ST3GAL5: variants seen among roughly 807,000 people sequenced by gnomAD.
ST3GAL5 encodes ST3 beta-galactoside alpha-2,3-sialyltransferase 5, also known as lactosylceramide alpha-2,3-sialyltransferase.
Under a neutral mutation model 46.1 loss-of-function variants are expected in ST3GAL5, and 25 were observed. The observed-to-expected ratio is 0.54, with a 90% confidence interval of 0.40 to 0.76. The LOEUF (loss-of-function observed/expected upper bound fraction) is 0.76. Ranked by LOEUF, ST3GAL5 falls within the 30% of genes least tolerant of loss-of-function variation. The probability of loss-of-function intolerance (pLI) is 0.00; values close to 1 mark genes in which losing one functional copy is unlikely to be tolerated. For synonymous variants in ST3GAL5, 182 were observed against 192.7 expected, an observed-to-expected ratio of 0.94 and a Z score of 0.46; for missense variants, 431 against 521.2, an observed-to-expected ratio of 0.83 and a Z score of 1.69.
rs1365222009 is a variant in ST3GAL5, at chr2:85,837,873, C to T, written c.*2271G>A. On this transcript the variant is annotated 3_prime_UTR_variant, in exon 7 of 7. Coordinates refer to ENST00000638572, the MANE Select transcript of ST3GAL5 (RefSeq NM_003896.4). ...GTGTGTGCGGGTCTAGAATGCAATA[C>T]AAAGCTGTTAGTGTGGCAGTGAATT... 1 of 152,038 alleles carries T rather than the reference C, an allele frequency of 6.6e-6. No individual in the cohort carries two copies. Among genetic ancestry groups the T allele is most frequent in the Non-Finnish European group, 1.5e-5 (1 of 68,044 alleles). The allele number at this position is 152,038 out of a possible 1,614,324, so 9.4% of individuals were successfully genotyped here.
chr2:85,851,779 G>T, intron 3 of ST3GAL5: 2 of 1,234,404 alleles, frequency 1.6e-6, no homozygotes, highest in Non-Finnish European at 2.1e-6. Flanking sequence ...AGAGGCGTCA[G>T]CTGGGGCCTG....
rs1191405507 is a variant in ST3GAL5 at position 85,846,464 on chromosome 2, T to G, written c.762A>C (p.Glu254Asp). The G allele has an allele frequency of 2.5e-6, 4 of 1,614,074 alleles. No individual in the cohort carries two copies. The African/African-American group carries it at 5.3e-5, about 22-fold the overall frequency. The change falls in exon 5 of 7, where the codon GAA (glutamate) becomes GAC (aspartate). Residue 254 changes from glutamate (E) to aspartate (D), a missense_variant. Transcript: ENST00000638572. ...YPEGAPLSDLEYYSNDLFVAV... is the reference protein window; with the variant it reads ...YPEGAPLSDLDYYSNDLFVAV... Reference sequence around the variant, plus strand: ...CAACAAATAAGTCATTGGAATAATATTCAAGGTCAGACAGTGGTGCGCCCT... The same window carrying G: ...CAACAAATAAGTCATTGGAATAATAGTCAAGGTCAGACAGTGGTGCGCCCT...
chr2:85,842,945 A>T (rs2103926250), intron 6 of ST3GAL5, among the ~76,000 whole-genome samples: 1 of 152,076 alleles, frequency 6.6e-6, no homozygotes, highest in East Asian at 1.9e-4. Flanking sequence ...TTTAGTAGAG[A>T]CAGGGTTTCT....
At chr2:85,851,245 C>T in intron 3 of ST3GAL5, 1 of 1,079,876 alleles carries the variant, frequency 9.3e-7, no homozygotes, top group Non-Finnish European at 1.1e-6. Flanking sequence ...GTGGGTAGGG[C>T]ACATTTCTCA....
chr2:85,881,637 A>C (rs1687163839), intron 1 of ST3GAL5, among the ~76,000 whole-genome samples: 1 of 152,208 alleles, frequency 6.6e-6, no homozygotes, highest in South Asian at 2.1e-4. Context: ...TGGAACTTTG[A>C]AGTTGAGAGA....
At chr2:85,851,140 C>T in intron 3 of ST3GAL5, 1 of 566,314 alleles carries the variant, frequency 1.8e-6, no homozygotes, top group Non-Finnish European at 2.3e-6. Flanking sequence ...TGGTCTCAAA[C>T]TCCTGACCTA....
In ST3GAL5 at chr2:85,888,919, C is replaced by T. The variant is rs1163309531; in HGVS notation, c.-14G>A. 2 of 1,343,958 alleles carry T rather than the reference C, an allele frequency of 1.5e-6. No homozygotes were observed. Among genetic ancestry groups the T allele is most frequent in the Non-Finnish European group, 1.9e-6 (2 of 1,041,822 alleles). The allele number at this position is 1,343,958 out of a possible 1,614,324, so 83.3% of individuals were successfully genotyped here. ...CTTCGTCCGCATACTAATGAGGGGG[C>T]GCCGGCCGGCCGCCAGCCCGGTACC... On this transcript the variant is annotated 5_prime_UTR_variant, in exon 1 of 7. Transcript: ENST00000638572.
chr2:85,860,646 G>A (rs1684609611), intron 3 of ST3GAL5, among the ~76,000 whole-genome samples: 1 of 152,122 alleles, frequency 6.6e-6, no homozygotes, highest in South Asian at 2.1e-4. Flanking sequence ...GCCAAGGCGG[G>A]AGGATAGCTT....
chr2:85,839,713 G>A lies in ST3GAL5; in HGVS notation c.*431C>T, dbSNP rs941754778. On this transcript the variant is annotated 3_prime_UTR_variant, in exon 7 of 7. Transcript: ENST00000638572. ...ACGTCATCCTGGGAGTGGATCCTCC[G>A]TGGGTCACACCAAGCAGCGCAGCAG... 1.7e-5 allele frequency: 5 copies of A among 293,638 alleles called. No homozygotes were observed. The highest frequency in any genetic ancestry group is 3.2e-5 in the South Asian group (1 of 31,234). 18.2% of individuals were successfully genotyped at this position (293,638 alleles called of 1,614,324 possible).
chr2:85,876,348 T>G (rs1238689629), intron 1 of ST3GAL5, among the ~76,000 whole-genome samples: 2 of 152,012 alleles, frequency 1.3e-5, no homozygotes, highest in Non-Finnish European at 2.9e-5. Flanking sequence ...AGGACTGCAG[T>G]CCCCTAAAAT....
intron 5 of ST3GAL5, chr2:85,844,823 T>G: frequency 2.0e-6 from 1 of 512,506 alleles, no homozygotes; most frequent in Non-Finnish European, 3.5e-6. Context: ...TAGACATTCC[T>G]CAATGGTGCT....
intron 1 of ST3GAL5, among the ~76,000 whole-genome samples, chr2:85,878,010 G>A (rs1349312206): frequency 1.3e-5 from 2 of 152,196 alleles, no homozygotes; most frequent in African/African-American, 2.4e-5. Flanking sequence ...TCCAGTGGCA[G>A]CAAGAAGAGA....
intron 1 of ST3GAL5, among the ~76,000 whole-genome samples, chr2:85,885,332 A>C (rs1266553518): frequency 6.6e-6 from 1 of 152,166 alleles, no homozygotes; most frequent in African/African-American, 2.4e-5. Context: ...TGGGGAGCTA[A>C]GGGTTCCTCA....
chr2:85,847,760 A>C, intron 4 of ST3GAL5, 101 bp downstream of exon 4: 2 of 1,473,690 alleles, frequency 1.4e-6, no homozygotes, highest in South Asian at 1.3e-5. Context: ...ACACCACTGC[A>C]CTCCAGCCTG....
chr2:85,885,747 C>T (rs967831919), intron 1 of ST3GAL5, among the ~76,000 whole-genome samples: 5 of 151,924 alleles, frequency 3.3e-5, no homozygotes, highest in African/African-American at 1.2e-4. Context: ...ATGGCGTGAA[C>T]CCCGGAGGCG....
chr2:85,851,819 G>T, intron 3 of ST3GAL5: 1 of 788,758 alleles, frequency 1.3e-6, no homozygotes. Flanking sequence ...AGGCTCACTG[G>T]AAGCCAGGAG....
At position 85,847,854 on chromosome 2, in the gene ST3GAL5, A is replaced by C. The variant is rs765356924; in HGVS notation, c.662+7T>G. 1.2e-6 allele frequency: 2 copies of C among 1,613,646 alleles called. No individual in the cohort carries two copies. The highest frequency in any genetic ancestry group is 1.7e-6 in the Non-Finnish European group (2 of 1,179,962). On this transcript the variant is annotated splice_region_variant and intron_variant, in intron 4 of 6. Coordinates refer to ENST00000638572, the MANE Select transcript of ST3GAL5 (RefSeq NM_003896.4). ...AGTAAACAAACAAACAAAAAAAACCAATGTACCTTATCACAACATCGAACT... is the reference window on the plus strand; with the variant it reads ...AGTAAACAAACAAACAAAAAAAACCCATGTACCTTATCACAACATCGAACT...
intron 1 of ST3GAL5, among the ~76,000 whole-genome samples, chr2:85,886,237 G>A (rs1687746421): frequency 6.6e-6 from 1 of 152,188 alleles, no homozygotes; most frequent in Admixed American, 6.5e-5. Flanking sequence ...CCAGAGACCA[G>A]CCTGGACAAC....
intron 1 of ST3GAL5, among the ~76,000 whole-genome samples, chr2:85,884,961 A>T (rs534559247): frequency 6.6e-6 from 1 of 152,360 alleles, no homozygotes; most frequent in East Asian, 1.9e-4. Flanking sequence ...ATGATACTTA[A>T]CTGTTATAAT....
Sources: gnomAD v4.1 joint callset for allele counts (sites outside exome capture counted in the v4.1 genomes callset) on GRCh38, gnomAD v4.1.1 for gene constraint, MANE v1.5 for transcripts, NCBI Gene and HGNC (gene_info 2026-07-23, HGNC 2026-07-21) for gene names.